The following PCDH15 variants were observed in gnomAD, a reference collection of about 807,000 sequenced individuals.
PCDH15 encodes the protein protocadherin-15.
Under a neutral mutation model 178.5 loss-of-function variants are expected in PCDH15, and 129 were observed. That is an observed-to-expected ratio of 0.72 (90% CI 0.63 to 0.84). The LOEUF (loss-of-function observed/expected upper bound fraction) is 0.84, where lower values mean the gene tolerates loss of function less well. Ranked by LOEUF, PCDH15 falls within the 40% of genes least tolerant of loss-of-function variation. PCDH15 has a pLI of 0.00. For synonymous variants in PCDH15, 800 were observed against 732.0 expected, an observed-to-expected ratio of 1.09 and a Z score of -1.50; for missense variants, 2,230 against 2,099.9, an observed-to-expected ratio of 1.06 and a Z score of -1.21.
Position 53,806,618 on chromosome 10 carries a change from G to A in PCDH15, c.5184C>T (p.Gly1728=), listed in dbSNP as rs1172457972. The A allele has an allele frequency of 5.0e-6, 8 of 1,613,464 alleles. No homozygotes were observed. Among genetic ancestry groups the A allele is most frequent in the Non-Finnish European group, 6.8e-6 (8 of 1,179,710 alleles). Residue 1728 remains glycine (G), a synonymous_variant, in exon 38 of 38, where the codon GGC becomes GGT. Transcript: ENST00000644397. ...TTGGTATATGGAGGTTGTTCCAGGG[G>A]CCCATCCAAAGCTCTTCATCATCAG... The part of the protein sequence containing the change: ...TQSDDEELWM[G]PWNNLHIPMT...
At chr10:55,349,380 A>G (rs1329756411) in intron 2 of PCDH15, among the ~76,000 whole-genome samples, 1 of 152,142 alleles carries the variant, frequency 6.6e-6, no homozygotes, top group Non-Finnish European at 1.5e-5. Flanking sequence ...TTTTCATTAA[A>G]ATATTTTTCT....
intron 2 of PCDH15, among the ~76,000 whole-genome samples, chr10:55,376,304 G>T (rs78050069): frequency 1.5e-4 from 23 of 152,182 alleles, no homozygotes; most frequent in African/African-American, 5.3e-4. Flanking sequence ...TTATCCCACA[G>T]GATTTGCATT....
At chr10:54,009,186 T>C (rs937937450) in intron 20 of PCDH15, among the ~76,000 whole-genome samples, 14 of 152,072 alleles carry the variant, frequency 9.2e-5, no homozygotes, top group African/African-American at 3.4e-4. Flanking sequence ...TGAGTTCCTA[T>C]TTCCAAAGAA....
At chr10:54,409,077 A>G (rs1055171740) in intron 3 of PCDH15, among the ~76,000 whole-genome samples, 6 of 152,160 alleles carry the variant, frequency 3.9e-5, no homozygotes, top group African/African-American at 1.4e-4. Flanking sequence ...TGGTTTTATA[A>G]GGGGAAACCC....
rs1216247527 is a variant in PCDH15, at chr10:54,375,632, T to C, written c.318+3150A>G. Among the ~76,000 whole-genome samples, 5 of 151,590 alleles carry C rather than the reference T, an allele frequency of 3.3e-5. No individual in the cohort carries two copies. In the South Asian group the frequency reaches 1.0e-3, roughly 32 times the overall value. On this transcript the variant is annotated intron_variant, in intron 4 of 37. Transcript: ENST00000644397. Reference sequence around the variant, plus strand: ...CAAAAATTCAGTGGAAAATTTTCTATAAAAATAATTTCAAGAGCAATTTAC... The same window carrying C: ...CAAAAATTCAGTGGAAAATTTTCTACAAAAATAATTTCAAGAGCAATTTAC...
intron 23 of PCDH15, among the ~76,000 whole-genome samples, chr10:53,958,178 A>G (rs2087825066): frequency 1.3e-5 from 2 of 152,216 alleles, no homozygotes; most frequent in South Asian, 4.1e-4. Flanking sequence ...AACATGATCA[A>G]GTTCTCCATT....
At chr10:55,014,409 G>T (rs1840119860) in intron 2 of PCDH15, among the ~76,000 whole-genome samples, 1 of 151,868 alleles carries the variant, frequency 6.6e-6, no homozygotes, top group African/African-American at 2.4e-5. Flanking sequence ...ATTTATATGG[G>T]GAAAAATAAA....
intron 2 of PCDH15, among the ~76,000 whole-genome samples, chr10:55,103,840 A>G (rs897013808): frequency 6.6e-6 from 1 of 152,098 alleles, no homozygotes; most frequent in Non-Finnish European, 1.5e-5. Context: ...GGCCAGGGGT[A>G]TTGTCCAATA....
intron 2 of PCDH15, among the ~76,000 whole-genome samples, chr10:55,501,955 A>C (rs1249345810): frequency 1.3e-5 from 2 of 151,764 alleles, no homozygotes; most frequent in African/African-American, 4.8e-5. Flanking sequence ...AAATTTTTAA[A>C]AATATTTAAA....
At position 54,149,695 on chromosome 10, in the gene PCDH15, G is replaced by T. The variant is rs140440533; in HGVS notation, c.1784+3405C>A. On this transcript the variant is annotated intron_variant, in intron 14 of 37. Coordinates refer to ENST00000644397, the MANE Select transcript of PCDH15 (RefSeq NM_001384140.1). The stretch of plus-strand genomic sequence containing the variant: ...GAGTGAGGTGTGAAAGCACTGGAAA[G>T]CTTGAGTAATGGATTGAGATGTTTT... Among the ~76,000 whole-genome samples the T allele has an allele frequency of 2.8e-3, 419 of 152,286 alleles. 9 individuals are homozygous for T. The highest frequency in any genetic ancestry group is 0.021 in the Admixed American group (324 of 15,280).
chr10:55,592,703 G>T (rs187216712), intron 2 of PCDH15, among the ~76,000 whole-genome samples: 1 of 152,118 alleles, frequency 6.6e-6, no homozygotes. Flanking sequence ...TCTTTTTCAA[G>T]AATTAGTTTA....
chr10:53,870,405 A>G (rs1002131779), intron 26 of PCDH15, among the ~76,000 whole-genome samples: 14 of 152,318 alleles, frequency 9.2e-5, no homozygotes, highest in African/African-American at 2.6e-4. Context: ...TGGAATTAAA[A>G]AAAATAAAAC....
intron 26 of PCDH15, among the ~76,000 whole-genome samples, chr10:53,897,213 C>T (rs2082011569): frequency 6.6e-6 from 1 of 152,092 alleles, no homozygotes; most frequent in African/African-American, 2.4e-5. Flanking sequence ...GGCCTCCTGA[C>T]AGGCTGAGAG....
intron 6 of PCDH15, among the ~76,000 whole-genome samples, chr10:54,339,384 T>C (rs1029402220): frequency 7.9e-5 from 12 of 152,104 alleles, no homozygotes; most frequent in African/African-American, 2.9e-4. Flanking sequence ...ATCAGCAGTA[T>C]TTTACAATAA....
At chr10:54,618,827 A>G (rs1217416416) in intron 2 of PCDH15, among the ~76,000 whole-genome samples, 1 of 152,056 alleles carries the variant, frequency 6.6e-6, no homozygotes, top group East Asian at 1.9e-4. Flanking sequence ...CTCACCATAG[A>G]GCAAAATATA....
At chr10:54,641,183 G>A (rs947534080) in intron 2 of PCDH15, 12 of 171,696 alleles carry the variant, frequency 7.0e-5, no homozygotes, top group Middle Eastern at 2.5e-3. Flanking sequence ...GTGTGTGTAC[G>A]TGTAAATAAA....
chr10:55,203,385 T>C (rs1840307668), intron 1 of PCDH15, among the ~76,000 whole-genome samples: 1 of 152,074 alleles, frequency 6.6e-6, no homozygotes, highest in African/African-American at 2.4e-5. Context: ...CTTACATATA[T>C]ATTTAATCCT....
chr10:55,236,498 A>C (rs1018123107), intron 1 of PCDH15, among the ~76,000 whole-genome samples: 2 of 152,086 alleles, frequency 1.3e-5, no homozygotes, highest in African/African-American at 2.4e-5. Context: ...ATTTAATGAG[A>C]TATACTAATT....
chr10:55,317,647 T>G (rs546847901), intron 1 of PCDH15, among the ~76,000 whole-genome samples: 11 of 151,972 alleles, frequency 7.2e-5, no homozygotes, highest in Admixed American at 4.6e-4. Flanking sequence ...TCTCTCATAC[T>G]ATAGTCACCC....
Sources: allele counts gnomAD v4.1 joint callset (sites outside exome capture counted in the v4.1 genomes callset), GRCh38; gene constraint gnomAD v4.1.1; transcripts MANE v1.5; gene names NCBI Gene and HGNC (gene_info 2026-07-23, HGNC 2026-07-21).